Variants in GRM8 observed in about 807,000 individuals in gnomAD.
GRM8 encodes glutamate metabotropic receptor 8.
A neutral mutation model predicts 87.2 loss-of-function variants in GRM8; 47 were observed. The observed-to-expected ratio is 0.54, with a 90% CI of 0.43 to 0.69. GRM8 has a LOEUF of 0.69. Ranked by LOEUF, GRM8 falls within the 30% of genes least tolerant of loss-of-function variation. The probability of loss-of-function intolerance (pLI) is 0.00; values close to 1 mark genes in which losing one functional copy is unlikely to be tolerated. For synonymous variants in GRM8, 396 were observed against 404.5 expected (o/e 0.98, Z 0.25); for missense variants, 1,019 against 1,139.2 (o/e 0.89, Z 1.52).
At chr7:126,557,426 G>A (rs1199808303) in intron 8 of GRM8, among the ~76,000 whole-genome samples, 1 of 152,150 alleles carries the variant, frequency 6.6e-6, no homozygotes, top group Non-Finnish European at 1.5e-5. Flanking sequence ...ACCAGCACAG[G>A]GCACTTCTTT....
chr7:126,466,258 G>T (rs1275262142), intron 9 of GRM8, among the ~76,000 whole-genome samples: 1 of 151,618 alleles, frequency 6.6e-6, no homozygotes, highest in East Asian at 1.9e-4. Flanking sequence ...TTTCTAACAG[G>T]TTATTAATAG....
chr7:126,946,096 C>A (rs1586556799), intron 3 of GRM8, among the ~76,000 whole-genome samples: 2 of 152,130 alleles, frequency 1.3e-5, no homozygotes, highest in East Asian at 3.9e-4. Context: ...TTGGTTTGGC[C>A]TACAGAATAC....
chr7:126,539,181 C>A lies in GRM8; in HGVS notation c.1495-5294G>T, dbSNP rs569679196. 1.6e-4 allele frequency among the ~76,000 whole-genome samples: 25 copies of A among 151,640 alleles called. No individual in the cohort carries two copies. In the South Asian group the frequency reaches 5.2e-3, roughly 32 times the overall value. Reference sequence around the variant, plus strand: ...TAAAATAAAATTAAGGAAAAAATTTCATTTACATTAACACCAAAAATAAAA... The same window carrying A: ...TAAAATAAAATTAAGGAAAAAATTTAATTTACATTAACACCAAAAATAAAA... On this transcript the variant is annotated intron_variant, in intron 8 of 10. Transcript: ENST00000339582.
In GRM8 at chr7:127,243,467, G is replaced by A. The variant is rs1798421315; in HGVS notation, c.-263C>T. On this transcript the variant is annotated 5_prime_UTR_variant, in exon 2 of 11. Coordinates refer to ENST00000339582, the MANE Select transcript of GRM8 (RefSeq NM_000845.3). Reference sequence around the variant, plus strand: ...ACATCTGAGGTTCTGATGTTGGGATGAGGTCAACAATTCATGTCCTTGAAA... The same window carrying A: ...ACATCTGAGGTTCTGATGTTGGGATAAGGTCAACAATTCATGTCCTTGAAA... The A allele has an allele frequency of 6.4e-6, 3 of 469,174 alleles. No individual in the cohort carries two copies. The highest frequency in any genetic ancestry group is 1.1e-5 in the Non-Finnish European group (3 of 266,374). 29.1% of individuals were successfully genotyped at this position (469,174 alleles called of 1,614,324 possible). A position where few individuals can be genotyped will look rare whatever the true frequency, so the allele number is the denominator to read the frequency against.
At chr7:126,518,561 T>C (rs1022576455) in intron 9 of GRM8, among the ~76,000 whole-genome samples, 4 of 152,078 alleles carry the variant, frequency 2.6e-5, no homozygotes, top group Non-Finnish European at 4.4e-5. Flanking sequence ...CATAGGGCTC[T>C]TGGGAAAAGT....
chr7:126,501,958 CAGGGCTTGATA>C (rs1311791801), intron 9 of GRM8, among the ~76,000 whole-genome samples: 2 of 151,896 alleles, frequency 1.3e-5, no homozygotes, highest in Non-Finnish European at 2.9e-5. Flanking sequence ...AGAATGTTTG[CAGGGCTTGATA>C]ACTTGATATG....
intron 2 of GRM8, among the ~76,000 whole-genome samples, chr7:127,155,258 G>C (rs758456778): frequency 6.6e-6 from 1 of 152,086 alleles, no homozygotes; most frequent in South Asian, 2.1e-4. Flanking sequence ...CTGGAGCACC[G>C]AGCAAGATAC....
chr7:126,462,777 C>G (rs1175862950), intron 9 of GRM8, among the ~76,000 whole-genome samples: 1 of 151,558 alleles, frequency 6.6e-6, no homozygotes. Context: ...AGTATTCTTT[C>G]TTTTGATGTG....
intron 3 of GRM8, among the ~76,000 whole-genome samples, chr7:127,048,044 CA>C (rs1819113257): frequency 6.6e-6 from 1 of 151,932 alleles, no homozygotes; most frequent in African/African-American, 2.4e-5. Flanking sequence ...TAACAGTGAA[CA>C]AACAATGATT....
chr7:127,212,448 C>T (rs1587287660), intron 2 of GRM8, among the ~76,000 whole-genome samples: 2 of 128,700 alleles, frequency 1.6e-5, no homozygotes, highest in Non-Finnish European at 3.1e-5. Context: ...GACGGAGTCT[C>T]GCTCTGTCGC....
chr7:127,160,366 C>G (rs1456199535), intron 2 of GRM8, among the ~76,000 whole-genome samples: 1 of 152,048 alleles, frequency 6.6e-6, no homozygotes, highest in Non-Finnish European at 1.5e-5. Context: ...TAAACAAAAA[C>G]TAGCAAATAA....
rs566614167 is a variant in GRM8 at position 126,528,463 on chromosome 7, T to C, written c.2430+4489A>G. On this transcript the variant is annotated intron_variant, in intron 9 of 10. Coordinates refer to ENST00000339582, the MANE Select transcript of GRM8 (RefSeq NM_000845.3). ...AAATCAAATAAAGTCCTTGCCCTCA[T>C]GGGTAACAGCCTAATGGTGATGATA... Among the ~76,000 whole-genome samples the C allele has an allele frequency of 2.1e-3, 321 of 152,306 alleles. 1 individual carries two copies. The highest frequency in any genetic ancestry group is 3.7e-3 in the Non-Finnish European group (254 of 68,030).
chr7:126,681,285 T>C (rs1294828190), intron 7 of GRM8, among the ~76,000 whole-genome samples: 2 of 152,172 alleles, frequency 1.3e-5, no homozygotes, highest in African/African-American at 4.8e-5. Flanking sequence ...TTAGCAAAAG[T>C]TGTTCTCTTC....
chr7:126,950,535 T>C (rs1007642502), intron 3 of GRM8, among the ~76,000 whole-genome samples: 1 of 152,122 alleles, frequency 6.6e-6, no homozygotes, highest in Non-Finnish European at 1.5e-5. Flanking sequence ...AAGACAGCTA[T>C]TTTTTTAATT....
chr7:127,052,492 C>A (rs1409426548), intron 3 of GRM8, among the ~76,000 whole-genome samples: 2 of 152,088 alleles, frequency 1.3e-5, no homozygotes, highest in Non-Finnish European at 2.9e-5. Context: ...TATTTTAAGA[C>A]AAAGAGAATA....
At chr7:126,537,105 C>T (rs73224943) in intron 8 of GRM8, among the ~76,000 whole-genome samples, 24,969 of 151,930 alleles carry the variant, frequency 0.16, 2,206 homozygotes, top group Middle Eastern at 0.2. Context: ...AATGAAAAAA[C>T]GTTTTTCATA....
chr7:126,602,760 A>T (rs1797942162), intron 8 of GRM8, among the ~76,000 whole-genome samples: 1 of 151,870 alleles, frequency 6.6e-6, no homozygotes, highest in East Asian at 1.9e-4. Context: ...ACCAACCAAA[A>T]AGAGTCCAGG....
intron 3 of GRM8, among the ~76,000 whole-genome samples, chr7:127,055,344 C>T (rs979435378): frequency 7.9e-5 from 12 of 152,096 alleles, no homozygotes; most frequent in South Asian, 2.1e-4. Flanking sequence ...AGAATTAATA[C>T]GCTCAAATAA....
intron 2 of GRM8, among the ~76,000 whole-genome samples, chr7:127,180,779 G>T (rs972871786): frequency 1.3e-5 from 2 of 151,928 alleles, no homozygotes; most frequent in Non-Finnish European, 2.9e-5. Context: ...AAAAGCATTC[G>T]ACAAAATCCA....
Sources: gnomAD v4.1 joint callset for allele counts (sites outside exome capture counted in the v4.1 genomes callset) on GRCh38, gnomAD v4.1.1 for gene constraint, MANE v1.5 for transcripts, NCBI Gene and HGNC (gene_info 2026-07-23, HGNC 2026-07-21) for gene names.